The following PSAP variants were observed in gnomAD, a reference collection of about 807,000 sequenced individuals.
The protein encoded by PSAP is prosaposin, also known as precursor of saposins.
A neutral mutation model predicts 66.0 loss-of-function variants in PSAP; 25 were observed. That is an observed-to-expected ratio of 0.38 (90% CI 0.28 to 0.53). The LOEUF is 0.53. Ranked by LOEUF, PSAP falls within the 20% of genes least tolerant of loss-of-function variation. The pLI, the probability that PSAP is intolerant of heterozygous loss-of-function variation, is 0.83. For synonymous variants in PSAP, 273 were observed against 258.9 expected (o/e 1.05, Z -0.52); for missense variants, 649 against 668.8 (o/e 0.97, Z 0.33).
intron 7 of PSAP, 34 bp from the exon 8 acceptor site, chr10:71,822,041 A>C: frequency 6.2e-7 from 1 of 1,613,896 alleles, no homozygotes; most frequent in Non-Finnish European, 8.5e-7. Flanking sequence ...GTCAGCAGCA[A>C]GCCTACGCCC....
intron 7 of PSAP, among the ~76,000 whole-genome samples, chr10:71,823,267 G>A (rs1589448786): frequency 1.3e-5 from 2 of 152,174 alleles, no homozygotes; most frequent in South Asian, 2.1e-4. Flanking sequence ...TGGGCATTTG[G>A]TTCTTGTAGC....
At chr10:71,817,604 A>G (rs1842197369) in intron 13 of PSAP, 128 bp from the exon 14 acceptor site, 2 of 888,480 alleles carry the variant, frequency 2.3e-6, no homozygotes, top group Non-Finnish European at 3.8e-6. Context: ...ATGGCACCAG[A>G]TGCTGAAGAC....
chr10:71,841,872 G>A (rs1302860792), intron 1 of PSAP, among the ~76,000 whole-genome samples: 2 of 152,042 alleles, frequency 1.3e-5, no homozygotes, highest in African/African-American at 4.8e-5. Context: ...CAGGCATGGT[G>A]GCACACACCT....
rs1273770615 is a variant in PSAP, at chr10:71,839,575, C to T, written c.41-5070G>A. On this transcript the variant is annotated intron_variant, in intron 1 of 13. Coordinates refer to ENST00000394936, the MANE Select transcript of PSAP (RefSeq NM_002778.4). ...TTTTTTAAAGACATAGATTTCAGGG[C>T]CATGTGCGGTGGCTCATGCCTGTAA... Among the ~76,000 whole-genome samples the T allele has an allele frequency of 2.0e-5, 3 of 152,156 alleles. No individual in the cohort carries two copies. The East Asian group carries it at 5.8e-4, about 29-fold the overall frequency.
intron 7 of PSAP, among the ~76,000 whole-genome samples, chr10:71,823,384 A>T (rs1842342754): frequency 6.6e-6 from 1 of 152,262 alleles, no homozygotes; most frequent in South Asian, 2.1e-4. Flanking sequence ...AGCCAGGAAC[A>T]GTCTGCTGGC....
At chr10:71,837,584 T>A in intron 1 of PSAP, among the ~76,000 whole-genome samples, 1 of 152,210 alleles carries the variant, frequency 6.6e-6, no homozygotes, top group East Asian at 1.9e-4. Context: ...GGCTACCAGC[T>A]CCACTGACTG....
intron 7 of PSAP, among the ~76,000 whole-genome samples, chr10:71,825,259 G>A (rs1842380137): frequency 6.6e-6 from 1 of 152,218 alleles, no homozygotes; most frequent in Admixed American, 6.5e-5. Flanking sequence ...GATCTAAGGA[G>A]GCAGTGCCCG....
chr10:71,818,524 G>A, intron 13 of PSAP, 93 bp downstream of exon 13: 1 of 1,079,896 alleles, frequency 9.3e-7, no homozygotes, highest in Non-Finnish European at 1.4e-6. Flanking sequence ...GCAGGGTGGA[G>A]AGTTGATCAC....
At chr10:71,818,302 A>T (rs1564814203) in intron 13 of PSAP, among the ~76,000 whole-genome samples, 1 of 152,260 alleles carries the variant, frequency 6.6e-6, no homozygotes, top group African/African-American at 2.4e-5. Context: ...GACCTTGTAC[A>T]ATCCCTGGAG....
At chr10:71,834,330 AG>A in intron 2 of PSAP, 41 bp downstream of exon 2, 1 of 1,611,892 alleles carries the variant, frequency 6.2e-7, no homozygotes, top group Non-Finnish European at 8.5e-7. Flanking sequence ...AGGGGACCCA[AG>A]AGGAGTGCTG....
chr10:71,829,081 G>C lies in PSAP; in HGVS notation c.376-4C>G. 1 of 1,613,400 alleles carries C rather than the reference G, an allele frequency of 6.2e-7. No homozygotes were observed. Among genetic ancestry groups the C allele is most frequent in the Non-Finnish European group, 8.5e-7 (1 of 1,179,524 alleles). The stretch of plus-strand genomic sequence containing the variant: ...AGCACACCTCCCCAGGACGGCTCTG[G>C]TGGGATGGAAAGAAGTCCTGCTGAA... On this transcript the variant is annotated splice_region_variant and splice_polypyrimidine_tract_variant and intron_variant, in intron 4 of 13. Coordinates refer to ENST00000394936, the MANE Select transcript of PSAP (RefSeq NM_002778.4).
At chr10:71,850,400 A>C (rs1842905732) in intron 1 of PSAP, among the ~76,000 whole-genome samples, 2 of 152,218 alleles carry the variant, frequency 1.3e-5, no homozygotes, top group Admixed American at 1.3e-4. Context: ...TCAACTAGAA[A>C]ATGTTTAAAT....
At chr10:71,838,391 G>T (rs1842667883) in intron 1 of PSAP, among the ~76,000 whole-genome samples, 1 of 152,038 alleles carries the variant, frequency 6.6e-6, no homozygotes, top group South Asian at 2.1e-4. Flanking sequence ...GTCCCCTGGA[G>T]GACTGGGGAT....
At chr10:71,817,513 T>C (rs761964076) in intron 13 of PSAP, 37 bp from the exon 14 acceptor site, 2 of 1,607,026 alleles carry the variant, frequency 1.2e-6, no homozygotes, top group South Asian at 1.1e-5. Context: ...AGTCTTCGGA[T>C]GAAAAACTCC....
rs1463312292 is a variant in PSAP, at chr10:71,816,536, G to A, written c.*905C>T. On this transcript the variant is annotated 3_prime_UTR_variant, in exon 14 of 14. Transcript: ENST00000394936. ...CATGCCGCCCTCTACCAGGAAGCCAGAGGCCTAGGAGCTCGCCATCCATAT... is the reference window on the plus strand; with the variant it reads ...CATGCCGCCCTCTACCAGGAAGCCAAAGGCCTAGGAGCTCGCCATCCATAT... The A allele has an allele frequency of 4.4e-6, 2 of 449,590 alleles. No individual in the cohort carries two copies. The highest frequency in any genetic ancestry group is 2.0e-5 in the African/African-American group (1 of 49,542). The allele number at this position is 449,590 out of a possible 1,614,324, so 27.9% of individuals were successfully genotyped here. A position where few individuals can be genotyped will look rare whatever the true frequency, so the allele number is the denominator to read the frequency against.
chr10:71,824,863 G>A (rs1205230007), intron 7 of PSAP, among the ~76,000 whole-genome samples: 5 of 152,252 alleles, frequency 3.3e-5, no homozygotes, highest in African/African-American at 9.6e-5. Context: ...ATTAAATCCC[G>A]TCAATGCTTA....
intron 1 of PSAP, among the ~76,000 whole-genome samples, chr10:71,839,840 C>T (rs1421290264): frequency 2.0e-5 from 3 of 152,046 alleles, no homozygotes; most frequent in African/African-American, 4.8e-5. Context: ...GGCGACAGAG[C>T]GAGACTCCAT....
rs1298247076 is a variant in PSAP at position 71,834,376 on chromosome 10, G to C, written c.170C>G (p.Thr57Arg). 3 of 1,613,598 alleles carry C rather than the reference G, an allele frequency of 1.9e-6. No homozygotes were observed. In the African/African-American group the frequency reaches 4.0e-5, roughly 22 times the overall value. The part of the protein sequence containing the change: ...HCLQTVWNKP[T>R]VKSLPCDICK... The stretch of plus-strand genomic sequence containing the variant: ...CTGGAGGGCAGCGGCACTCACCACT[G>C]TTGGCTTGTTCCAAACGGTCTGCAG... Residue 57 changes from threonine to arginine, a missense_variant, in exon 2 of 14, where the codon ACA (threonine) becomes AGA (arginine). Thr to Arg is a moderately conservative substitution (Grantham distance 71, BLOSUM62 -1). Coordinates refer to ENST00000394936, the MANE Select transcript of PSAP (RefSeq NM_002778.4).
chr10:71,827,923 A>G lies in PSAP; in HGVS notation c.720+91T>C, dbSNP rs544134923. ...TTCAAGCTGCTTTCTGGGAAAAAAGAGAAGGATGTTGTCTGAACGCCCTAC... is the reference window on the plus strand; with the variant it reads ...TTCAAGCTGCTTTCTGGGAAAAAAGGGAAGGATGTTGTCTGAACGCCCTAC... On this transcript the variant is annotated intron_variant, in intron 6 of 13. Coordinates refer to ENST00000394936, the MANE Select transcript of PSAP (RefSeq NM_002778.4). 2.9e-5 allele frequency: 45 copies of G among 1,545,218 alleles called. 1 individual carries two copies. The East Asian group carries it at 1.0e-3, about 35-fold the overall frequency.
Sources: allele counts gnomAD v4.1 joint callset (sites outside exome capture counted in the v4.1 genomes callset), GRCh38; gene constraint gnomAD v4.1.1; transcripts MANE v1.5; gene names NCBI Gene and HGNC (gene_info 2026-07-23, HGNC 2026-07-21).